ZBTB20: variants seen among roughly 807,000 people sequenced by gnomAD.
ZBTB20 encodes the protein zinc finger and BTB domain containing 20.
Under a neutral mutation model 56.9 loss-of-function variants are expected in ZBTB20, and 9 were observed. The observed-to-expected ratio is 0.16, with a 90% CI of 0.10 to 0.28. ZBTB20 has a LOEUF of 0.28. Among genes scored for constraint, ZBTB20 ranks in the 10% least tolerant of loss-of-function variants. The pLI is 1.00. For synonymous variants in ZBTB20, 417 were observed against 420.7 expected (o/e 0.99, Z 0.11); for missense variants, 655 against 1,003.0 (o/e 0.65, Z 4.69).
intron 6 of ZBTB20, among the ~76,000 whole-genome samples, chr3:114,676,856 T>C (rs2061659651): frequency 6.8e-6 from 1 of 147,892 alleles, no homozygotes; most frequent in South Asian, 2.2e-4. Context: ...CTCACTGCAA[T>C]GTCCGACTCC....
chr3:114,833,833 A>G (rs962690974), intron 4 of ZBTB20, among the ~76,000 whole-genome samples: 1 of 151,736 alleles, frequency 6.6e-6, no homozygotes, highest in Non-Finnish European at 1.5e-5. Context: ...CACCTGGCCG[A>G]GGGTCTTATA....
intron 10 of ZBTB20, among the ~76,000 whole-genome samples, chr3:114,370,465 G>C (rs567755777): frequency 7.2e-5 from 11 of 152,272 alleles, no homozygotes; most frequent in African/African-American, 2.6e-4. Context: ...GTTGGTGTCT[G>C]TGGCACCTGA....
chr3:115,057,250 A>G lies in ZBTB20; in HGVS notation c.-507+13969T>C, dbSNP rs574420867. Among the ~76,000 whole-genome samples the G allele has an allele frequency of 2.6e-5, 4 of 151,700 alleles. No homozygotes were observed. In the South Asian group the frequency reaches 8.4e-4, roughly 32 times the overall value. ...TAACTTCGTATTTCTTTTCTGTCCC[A>G]TGTGTTCTTTATTTTTTTTTCTCTT... On this transcript the variant is annotated intron_variant, in intron 2 of 11. Coordinates refer to ENST00000675478, the MANE Select transcript of ZBTB20 (RefSeq NM_001348800.3).
intron 3 of ZBTB20, among the ~76,000 whole-genome samples, chr3:114,916,213 T>G (rs909654932): frequency 2.0e-5 from 3 of 152,116 alleles, no homozygotes; most frequent in Non-Finnish European, 4.4e-5. Context: ...TAATATTTGC[T>G]TTATATATCT....
chr3:115,048,715 A>G (rs1381343691), intron 2 of ZBTB20, among the ~76,000 whole-genome samples: 1 of 152,210 alleles, frequency 6.6e-6, no homozygotes, highest in African/African-American at 2.4e-5. Context: ...TCTTACACAA[A>G]TAGGAAGTGA....
chr3:114,452,646 A>G (rs1260407188), intron 7 of ZBTB20, among the ~76,000 whole-genome samples: 7 of 152,178 alleles, frequency 4.6e-5, no homozygotes, highest in African/African-American at 1.7e-4. Context: ...CTTAAGAAGC[A>G]GTTACATAAA....
intron 5 of ZBTB20, among the ~76,000 whole-genome samples, chr3:114,750,482 CACTT>C (rs1487688629): frequency 6.6e-6 from 1 of 152,110 alleles, no homozygotes; most frequent in Non-Finnish European, 1.5e-5. Context: ...AATTGAGAAA[CACTT>C]AGGAAGAAAA....
chr3:114,608,610 T>C (rs1323080417), intron 6 of ZBTB20, among the ~76,000 whole-genome samples: 3 of 152,196 alleles, frequency 2.0e-5, no homozygotes, highest in Non-Finnish European at 4.4e-5. Context: ...TAAACTCCTA[T>C]GTTCCTTTAA....
At chr3:114,821,607 C>T (rs2073250921) in intron 4 of ZBTB20, among the ~76,000 whole-genome samples, 1 of 152,030 alleles carries the variant, frequency 6.6e-6, no homozygotes, top group African/African-American at 2.4e-5. Flanking sequence ...CCGACCCTAC[C>T]ATCTGTCCTC....
intron 2 of ZBTB20, among the ~76,000 whole-genome samples, chr3:114,984,702 A>C (rs2078463624): frequency 6.6e-6 from 1 of 152,064 alleles, no homozygotes; most frequent in South Asian, 2.1e-4. Context: ...AATAACTCTC[A>C]TTTTAGATCA....
chr3:114,809,726 T>C (rs1400722265), intron 4 of ZBTB20, among the ~76,000 whole-genome samples: 1 of 152,192 alleles, frequency 6.6e-6, no homozygotes, highest in Non-Finnish European at 1.5e-5. Flanking sequence ...TTTAACCACT[T>C]CTTAAATTGG....
chr3:114,617,485 T>G (rs1246565905), intron 6 of ZBTB20, among the ~76,000 whole-genome samples: 1 of 152,216 alleles, frequency 6.6e-6, no homozygotes, highest in African/African-American at 2.4e-5. Context: ...CCTCCATGGT[T>G]CCTTGAACAT....
chr3:114,422,485 G>T (rs574679880), intron 7 of ZBTB20, among the ~76,000 whole-genome samples: 81 of 152,250 alleles, frequency 5.3e-4, no homozygotes, highest in Non-Finnish European at 8.1e-4. Flanking sequence ...TGATAAGATT[G>T]TAAGAGCAAA....
chr3:114,811,890 G>T (rs1274381869), intron 4 of ZBTB20, among the ~76,000 whole-genome samples: 2 of 152,210 alleles, frequency 1.3e-5, no homozygotes, highest in Non-Finnish European at 1.5e-5. Context: ...TGGTCTCACT[G>T]ACTTCAAGAA....
chr3:115,078,094 C>G (rs2108529678), intron 1 of ZBTB20, among the ~76,000 whole-genome samples: 1 of 152,266 alleles, frequency 6.6e-6, no homozygotes, highest in East Asian at 1.9e-4. Context: ...GAATTCAAAA[C>G]AGAAAATCTG....
chr3:114,325,151 T>A lies in ZBTB20; in HGVS notation c.*13854A>T, dbSNP rs2079021860. 1 of 152,190 alleles carries A rather than the reference T, an allele frequency of 6.6e-6. No individual in the cohort carries two copies. The highest frequency in any genetic ancestry group is 1.5e-5 in the Non-Finnish European group (1 of 68,038). The allele number at this position is 152,190 out of a possible 1,614,324, so 9.4% of individuals were successfully genotyped here. On this transcript the variant is annotated 3_prime_UTR_variant, in exon 12 of 12. Coordinates refer to ENST00000675478, the MANE Select transcript of ZBTB20 (RefSeq NM_001348800.3). Reference sequence around the variant, plus strand: ...GTAGGAACAATTTTAATTAGATATATGCAAATTACCCTTAATTTATATCTC... The same window carrying A: ...GTAGGAACAATTTTAATTAGATATAAGCAAATTACCCTTAATTTATATCTC...
intron 5 of ZBTB20, among the ~76,000 whole-genome samples, chr3:114,754,006 T>A (rs1358777854): frequency 6.6e-6 from 1 of 152,142 alleles, no homozygotes; most frequent in East Asian, 1.9e-4. Flanking sequence ...TGCAAGCTCT[T>A]GTCATGTTCC....
chr3:114,737,252 T>G (rs1032279413), intron 5 of ZBTB20, among the ~76,000 whole-genome samples: 1 of 152,130 alleles, frequency 6.6e-6, no homozygotes, highest in South Asian at 2.1e-4. Context: ...TAGAGAAACA[T>G]TTTTTTGAAA....
intron 3 of ZBTB20, among the ~76,000 whole-genome samples, chr3:114,912,086 T>C (rs2075562856): frequency 6.7e-6 from 1 of 149,732 alleles, no homozygotes; most frequent in Non-Finnish European, 1.5e-5. Flanking sequence ...AGAAAAACCT[T>C]GTAAACCAGG....
Sources: allele counts gnomAD v4.1 joint callset (sites outside exome capture counted in the v4.1 genomes callset), GRCh38; gene constraint gnomAD v4.1.1; transcripts MANE v1.5; gene names NCBI Gene and HGNC (gene_info 2026-07-23, HGNC 2026-07-21).